AKT3: variants seen among roughly 807,000 people sequenced by gnomAD.
AKT3 encodes the protein RAC-gamma serine/threonine-protein kinase.
In AKT3, 15 loss-of-function variants were observed where a neutral mutation model predicts 65.3. That is an observed-to-expected ratio of 0.23 (90% CI 0.15 to 0.35). The LOEUF (loss-of-function observed/expected upper bound fraction) is 0.35, where lower values mean the gene tolerates loss of function less well. Among genes scored for constraint, AKT3 ranks in the 10% least tolerant of loss-of-function variants. AKT3 has a pLI of 1.00. For synonymous variants in AKT3, 206 were observed against 183.8 expected (o/e 1.12, Z -0.98); for missense variants, 243 against 576.5 (o/e 0.42, Z 5.92).
rs1180915364 is a variant in AKT3, at chr1:243,795,469, T to G, written c.46+47656A>C. 4.7e-4 allele frequency among the ~76,000 whole-genome samples: 47 copies of G among 100,288 alleles called. No homozygotes were observed. The East Asian group carries it at 8.6e-3, about 18-fold the overall frequency. 65.8% of individuals were successfully genotyped at this position (100,288 alleles called of 152,430 possible). A position where few individuals can be genotyped will look rare whatever the true frequency, so the allele number is the denominator to read the frequency against. On this transcript the variant is annotated intron_variant, in intron 2 of 13. Coordinates refer to ENST00000673466, the MANE Select transcript of AKT3 (RefSeq NM_005465.7). ...TCCTTGTTTTTTTTTTTTGTTTTTT[T>G]TTTTTGGTTTTTTTTTTTTTGAGAC...
intron 2 of AKT3, among the ~76,000 whole-genome samples, chr1:243,738,708 A>G (rs1482368624): frequency 2.6e-5 from 4 of 152,204 alleles, no homozygotes; most frequent in Non-Finnish European, 4.4e-5. Context: ...ACCATTACAC[A>G]CTGTAAAATT....
intron 12 of AKT3, among the ~76,000 whole-genome samples, chr1:243,516,433 C>T (rs1670358647): frequency 6.6e-6 from 1 of 152,116 alleles, no homozygotes; most frequent in Admixed American, 6.5e-5. Context: ...CCCAGTTTTC[C>T]TTTCATCAAT....
chr1:243,776,062 G>A (rs530247479), intron 2 of AKT3, among the ~76,000 whole-genome samples: 1 of 152,312 alleles, frequency 6.6e-6, no homozygotes, highest in East Asian at 1.9e-4. Context: ...AGTGAAGGAA[G>A]CATCTCTCCA....
At position 243,745,104 on chromosome 1, in the gene AKT3, T is replaced by C. The variant is rs1244444038; in HGVS notation, c.47-49388A>G. 3.3e-5 allele frequency among the ~76,000 whole-genome samples: 5 copies of C among 152,048 alleles called. 1 individual carries two copies. The highest frequency in any genetic ancestry group is 5.9e-5 in the Non-Finnish European group (4 of 67,998). ...CAGGATTTTTTTGGGGTGGGGAGGC[T>C]GAGGCAAGAGGATCACTTGAGCCCA... On this transcript the variant is annotated intron_variant, in intron 2 of 13. Coordinates refer to ENST00000673466, the MANE Select transcript of AKT3 (RefSeq NM_005465.7).
chr1:243,847,738 T>C (rs759374730), intron 1 of AKT3, among the ~76,000 whole-genome samples: 1 of 152,174 alleles, frequency 6.6e-6, no homozygotes, highest in South Asian at 2.1e-4. Context: ...GAATGAAATG[T>C]AAATATTAAA....
At chr1:243,561,243 G>A (rs1423824590) in intron 10 of AKT3, among the ~76,000 whole-genome samples, 1 of 152,046 alleles carries the variant, frequency 6.6e-6, no homozygotes, top group African/African-American at 2.4e-5. Flanking sequence ...ACCAGCATGA[G>A]TTACTTTATG....
At chr1:243,813,454 C>T (rs563677688) in intron 2 of AKT3, among the ~76,000 whole-genome samples, 18 of 149,606 alleles carry the variant, frequency 1.2e-4, no homozygotes, top group African/African-American at 3.9e-4. Context: ...CTTGTGTAAC[C>T]AAATACCACC....
At chr1:243,684,025 A>C (rs1684101162) in intron 3 of AKT3, among the ~76,000 whole-genome samples, 1 of 152,106 alleles carries the variant, frequency 6.6e-6, no homozygotes, top group Non-Finnish European at 1.5e-5. Flanking sequence ...GGTTTGAAGA[A>C]TTTGGTCTAT....
intron 12 of AKT3, among the ~76,000 whole-genome samples, chr1:243,525,112 A>G (rs1275734870): frequency 1.3e-5 from 2 of 152,142 alleles, no homozygotes; most frequent in African/African-American, 4.8e-5. Context: ...ATCTCAGTAT[A>G]AAGTCTGCCC....
At chr1:243,702,118 A>C (rs1212007295) in intron 2 of AKT3, among the ~76,000 whole-genome samples, 1 of 151,982 alleles carries the variant, frequency 6.6e-6, no homozygotes, top group East Asian at 1.9e-4. Context: ...GCAAAAAAAA[A>C]AAAAAAAAAG....
chr1:243,677,808 T>C (rs1683625069), intron 3 of AKT3, among the ~76,000 whole-genome samples: 1 of 151,950 alleles, frequency 6.6e-6, no homozygotes, highest in Admixed American at 6.6e-5. Context: ...CTATAGAGGG[T>C]AGGTGCGGTG....
At chr1:243,536,332 T>A (rs998511941) in intron 12 of AKT3, among the ~76,000 whole-genome samples, 1 of 152,206 alleles carries the variant, frequency 6.6e-6, no homozygotes, top group African/African-American at 2.4e-5. Flanking sequence ...TTTCATAGGT[T>A]TTCTTCTAGA....
At chr1:243,672,421 T>G (rs1330284602) in intron 3 of AKT3, among the ~76,000 whole-genome samples, 1 of 152,248 alleles carries the variant, frequency 6.6e-6, no homozygotes, top group Non-Finnish European at 1.5e-5. Flanking sequence ...TATTTTTGTC[T>G]GAACCATTTG....
chr1:243,778,876 G>A (rs1417664346), intron 2 of AKT3, among the ~76,000 whole-genome samples: 1 of 151,392 alleles, frequency 6.6e-6, no homozygotes, highest in Non-Finnish European at 1.5e-5. Context: ...TACATAAATT[G>A]AGGTTTTTCC....
chr1:243,753,184 C>G (rs1688916438), intron 2 of AKT3, among the ~76,000 whole-genome samples: 1 of 152,146 alleles, frequency 6.6e-6, no homozygotes, highest in Admixed American at 6.5e-5. Context: ...AAAGAACATG[C>G]CTAAACCTTT....
At chr1:243,608,603 C>T (rs1251694683) in intron 8 of AKT3, among the ~76,000 whole-genome samples, 1 of 152,122 alleles carries the variant, frequency 6.6e-6, no homozygotes, top group Non-Finnish European at 1.5e-5. Flanking sequence ...GATCCTACCC[C>T]ACTGGCTGAG....
At chr1:243,712,232 A>C (rs1479169181) in intron 2 of AKT3, among the ~76,000 whole-genome samples, 1 of 152,258 alleles carries the variant, frequency 6.6e-6, no homozygotes, top group Non-Finnish European at 1.5e-5. Context: ...GGAAAAGTCA[A>C]GGTGGCTGAT....
chr1:243,545,681 A>C (rs1553400360), intron 11 of AKT3, 84 bp from the exon 12 acceptor site: 1 of 986,512 alleles, frequency 1.0e-6, no homozygotes, highest in Non-Finnish European at 1.6e-6. Flanking sequence ...GTGAAAGTGT[A>C]ATTTTCTGTG....
chr1:243,714,130 C>T (rs1686344222), intron 2 of AKT3, among the ~76,000 whole-genome samples: 1 of 152,150 alleles, frequency 6.6e-6, no homozygotes, highest in South Asian at 2.1e-4. Context: ...GAGCATTTAT[C>T]CTTTCTGAAA....
Sources: allele counts gnomAD v4.1 joint callset (sites outside exome capture counted in the v4.1 genomes callset), GRCh38; gene constraint gnomAD v4.1.1; transcripts MANE v1.5; gene names NCBI Gene and HGNC (gene_info 2026-07-23, HGNC 2026-07-21).